NAALADL2: variants seen among roughly 807,000 people sequenced by gnomAD.
NAALADL2 encodes the protein inactive N-acetylated-alpha-linked acidic dipeptidase-like protein 2.
In NAALADL2, 76 loss-of-function variants were observed where a neutral mutation model predicts 87.2. The ratio of observed to expected loss-of-function variants is 0.87; its 90% CI spans 0.72 to 1.05. The LOEUF (loss-of-function observed/expected upper bound fraction) is 1.05, where lower values mean the gene tolerates loss of function less well. Ranked by LOEUF, NAALADL2 falls within the 50% of genes least tolerant of loss-of-function variation. NAALADL2 has a pLI of 0.00. For synonymous variants in NAALADL2, 354 were observed against 331.0 expected (o/e 1.07, Z -0.75); for missense variants, 1,089 against 945.8 (o/e 1.15, Z -1.99).
intron 2 of NAALADL2, among the ~76,000 whole-genome samples, chr3:175,136,050 C>T (rs2108680179): frequency 6.6e-6 from 1 of 152,244 alleles, no homozygotes; most frequent in East Asian, 1.9e-4. Flanking sequence ...GAAAAAGCAA[C>T]TCTTTTAGTT....
At chr3:174,930,967 T>C (rs1391339241) in intron 1 of NAALADL2, among the ~76,000 whole-genome samples, 3 of 151,862 alleles carry the variant, frequency 2.0e-5, no homozygotes, top group African/African-American at 7.3e-5. Context: ...CATATTATGA[T>C]TGAACTAAGT....
intron 13 of NAALADL2, among the ~76,000 whole-genome samples, chr3:175,782,108 T>C (rs1751204585): frequency 6.6e-6 from 1 of 150,948 alleles, no homozygotes; most frequent in South Asian, 2.1e-4. Context: ...TCTCTCATTG[T>C]TGGACATTTG....
intron 6 of NAALADL2, among the ~76,000 whole-genome samples, chr3:175,455,118 A>G (rs1560578089): frequency 6.6e-6 from 1 of 152,056 alleles, no homozygotes; most frequent in Non-Finnish European, 1.5e-5. Context: ...GCTTTTAGTC[A>G]AGCAGAGTTG....
At chr3:175,116,462 A>G (rs1261967876) in intron 2 of NAALADL2, among the ~76,000 whole-genome samples, 5 of 150,106 alleles carry the variant, frequency 3.3e-5, no homozygotes, top group African/African-American at 1.3e-4. Context: ...GAGCCAAATC[A>G]TGAGTGAACT....
At chr3:174,850,434 A>G (rs1725118906) in intron 3 of NAALADL2, among the ~76,000 whole-genome samples, 1 of 152,190 alleles carries the variant, frequency 6.6e-6, no homozygotes. Flanking sequence ...TAGAAAATAT[A>G]TTCAACGCTA....
At chr3:175,504,538 C>T (rs1030569703) in intron 9 of NAALADL2, among the ~76,000 whole-genome samples, 2 of 151,060 alleles carry the variant, frequency 1.3e-5, no homozygotes, top group African/African-American at 4.9e-5. Flanking sequence ...AAAGTTTTCT[C>T]TCTTCTTTCT....
At chr3:174,853,750 T>C (rs962164237) in intron 3 of NAALADL2, among the ~76,000 whole-genome samples, 4 of 152,044 alleles carry the variant, frequency 2.6e-5, no homozygotes, top group African/African-American at 9.7e-5. Flanking sequence ...AAAGAAGATA[T>C]AAAAATGGCC....
intron 11 of NAALADL2, among the ~76,000 whole-genome samples, chr3:175,700,207 A>G (rs913010137): frequency 2.0e-5 from 3 of 152,152 alleles, no homozygotes; most frequent in Non-Finnish European, 1.5e-5. Context: ...GTGTAAAAGT[A>G]AGACTGGCTT....
chr3:175,291,426 C>T (rs1000842766), intron 4 of NAALADL2, among the ~76,000 whole-genome samples: 1 of 151,928 alleles, frequency 6.6e-6, no homozygotes, highest in Admixed American at 6.6e-5. Context: ...TAAGCTTTAC[C>T]AAGTAATTAG....
chr3:175,399,597 C>T (rs1054376170), intron 5 of NAALADL2, among the ~76,000 whole-genome samples: 10 of 152,028 alleles, frequency 6.6e-5, no homozygotes, highest in Admixed American at 3.3e-4. Flanking sequence ...CTGGCAGGAG[C>T]GTAGCAGTGA....
At chr3:174,477,594 T>C (rs1717294793) in intron 1 of NAALADL2, among the ~76,000 whole-genome samples, 1 of 152,168 alleles carries the variant, frequency 6.6e-6, no homozygotes, top group South Asian at 2.1e-4. Flanking sequence ...CAGAACTCCC[T>C]TGTTTAATTT....
chr3:174,778,508 G>T (rs1410497142), intron 3 of NAALADL2, among the ~76,000 whole-genome samples: 1 of 151,854 alleles, frequency 6.6e-6, no homozygotes, highest in African/African-American at 2.4e-5. Context: ...TACACTTTAA[G>T]TTCTGGGATA....
intron 3 of NAALADL2, chr3:175,235,288 G>A (rs1745647691): frequency 6.6e-6 from 1 of 152,224 alleles, no homozygotes; most frequent in Admixed American, 6.5e-5. Flanking sequence ...GTGGGAGGGA[G>A]AGGCAGATTT....
chr3:175,211,731 CAA>C (rs1180769352), intron 2 of NAALADL2, among the ~76,000 whole-genome samples: 1 of 151,914 alleles, frequency 6.6e-6, no homozygotes, highest in Non-Finnish European at 1.5e-5. Flanking sequence ...GATTAACAAA[CAA>C]GAGTTAATCC....
At chr3:174,934,829 A>C (rs2108438518) in intron 1 of NAALADL2, among the ~76,000 whole-genome samples, 1 of 152,270 alleles carries the variant, frequency 6.6e-6, no homozygotes, top group South Asian at 2.1e-4. Flanking sequence ...AGTTTGAAGG[A>C]TATTATGATA....
chr3:174,531,251 T>C (rs1418725655), intron 1 of NAALADL2, among the ~76,000 whole-genome samples: 1 of 152,174 alleles, frequency 6.6e-6, no homozygotes, highest in Non-Finnish European at 1.5e-5. Flanking sequence ...TTTTAGTCAT[T>C]ATTTCCATGG....
At chr3:174,501,301 ATC>A (rs1279034551) in intron 1 of NAALADL2, among the ~76,000 whole-genome samples, 1 of 142,906 alleles carries the variant, frequency 7.0e-6, no homozygotes, top group Non-Finnish European at 1.5e-5. Flanking sequence ...GATGGTCTCG[ATC>A]TCCTGACCTC....
chr3:175,232,230 G>GAAA (rs1745069642), intron 2 of NAALADL2, among the ~76,000 whole-genome samples: 11 of 72,024 alleles, frequency 1.5e-4, no homozygotes, highest in Non-Finnish European at 9.6e-5. Context: ...AAGAAGAAGA[G>GAAA]GAAGAGGAAG....
At chr3:175,356,128 C>A (rs1276141887) in intron 5 of NAALADL2, among the ~76,000 whole-genome samples, 2 of 152,078 alleles carry the variant, frequency 1.3e-5, no homozygotes, top group East Asian at 1.9e-4. Context: ...TTACTAAATG[C>A]CTTCTCATCA....
Sources: allele counts gnomAD v4.1 joint callset (sites outside exome capture counted in the v4.1 genomes callset), GRCh38; gene constraint gnomAD v4.1.1; transcripts MANE v1.5; gene names NCBI Gene and HGNC (gene_info 2026-07-23, HGNC 2026-07-21).